DOP1B: variants seen among roughly 807,000 people sequenced by gnomAD.
The protein encoded by DOP1B is DOP1 leucine zipper like protein B.
In DOP1B, 174 loss-of-function variants were observed where a neutral mutation model predicts 233.5. That is an observed-to-expected ratio of 0.75 (90% CI 0.66 to 0.85). The LOEUF (loss-of-function observed/expected upper bound fraction) is 0.85. Ranked by LOEUF, DOP1B falls within the 40% of genes least tolerant of loss-of-function variation. The probability of loss-of-function intolerance (pLI) is 0.00; values close to 1 mark genes in which losing one functional copy is unlikely to be tolerated. For missense variants in DOP1B, 2,652 were observed against 2,846.6 expected (o/e 0.93, Z 1.56); for synonymous variants, 1,190 against 1,185.6 (o/e 1.00, Z -0.08).
chr21:36,248,552 A>G lies in DOP1B; in HGVS notation c.4982A>G (p.Tyr1661Cys). The change falls in exon 21 of 37, where the codon TAC (tyrosine) becomes TGC (cysteine). Residue 1661 changes from tyrosine to cysteine, a missense_variant. By Grantham distance (194) the Tyr-to-Cys change is radical. Transcript: ENST00000691173. The stretch of plus-strand genomic sequence containing the variant: ...GCCACGAAGGGATCCTCTTCCGTTT[A>G]CTTTAAAACCACCAAAGTAAGAGGA... ...LGATKGSSSV[Y>C]FKTTKTIRQK... 3 of 1,607,394 alleles carry G rather than the reference A, an allele frequency of 1.9e-6. No individual in the cohort carries two copies. Among genetic ancestry groups the G allele is most frequent in the Non-Finnish European group, 2.5e-6 (3 of 1,177,558 alleles).
At chr21:36,169,476 GCCAACAA>G in intron 2 of DOP1B, 1 of 1,104,688 alleles carries the variant, frequency 9.1e-7, no homozygotes. Context: ...TTCTTGGTGT[GCCAACAA>G]CTGGTGACCC....
At chr21:36,225,041 A>C (rs2066666312) in intron 11 of DOP1B, among the ~76,000 whole-genome samples, 1 of 152,052 alleles carries the variant, frequency 6.6e-6, no homozygotes, top group Admixed American at 6.6e-5. Context: ...GGTAGAGTTC[A>C]AGTCAGAGGG....
chr21:36,280,136 A>G (rs2067400047), intron 30 of DOP1B, 149 bp from the exon 31 acceptor site: 7 of 514,526 alleles, frequency 1.4e-5, no homozygotes, highest in Admixed American at 4.0e-5. Flanking sequence ...CGGCCTCCCA[A>G]AGTGCTGGGA....
At chr21:36,195,737 C>A (rs376125499) in intron 2 of DOP1B, among the ~76,000 whole-genome samples, 2 of 152,150 alleles carry the variant, frequency 1.3e-5, no homozygotes, top group African/African-American at 4.8e-5. Context: ...CTTGCAATTG[C>A]GTTCATATGA....
At chr21:36,227,904 T>C in intron 13 of DOP1B, 27 bp downstream of exon 13, 1 of 1,534,224 alleles carries the variant, frequency 6.5e-7, no homozygotes, top group Admixed American at 2.0e-5. Context: ...GCAGAAATGG[T>C]TCTGGGGGCT....
At position 36,277,016 on chromosome 21, in the gene DOP1B, C is replaced by A; in HGVS notation, c.5633-5C>A. Reference sequence around the variant, plus strand: ...TAACATACAAATGGCTCTTTCTGTTCACAGATGCTGCTGCAGCTTCAGCAA... The same window carrying A: ...TAACATACAAATGGCTCTTTCTGTTAACAGATGCTGCTGCAGCTTCAGCAA... On this transcript the variant is annotated splice_region_variant and splice_polypyrimidine_tract_variant and intron_variant, in intron 27 of 36. Coordinates refer to ENST00000691173, the MANE Select transcript of DOP1B (RefSeq NM_001320714.2). 6.2e-7 allele frequency: 1 copy of A among 1,613,948 alleles called. No homozygotes were observed. The highest frequency in any genetic ancestry group is 8.5e-7 in the Non-Finnish European group (1 of 1,179,942).
chr21:36,238,529 G>T, intron 16 of DOP1B, 72 bp from the exon 17 acceptor site: 1 of 1,261,488 alleles, frequency 7.9e-7, no homozygotes, highest in South Asian at 1.2e-5. Context: ...GTTTAAATGG[G>T]GTTTATGGTG....
rs749031776 is a variant in DOP1B at position 36,278,033 on chromosome 21, C to T, written c.5771C>T (p.Pro1924Leu). Residue 1924 changes from proline to leucine, a missense_variant, in exon 29 of 37, where the codon CCG (proline) becomes CTG (leucine). By Grantham distance (98) the Pro-to-Leu change is moderately conservative. Around this residue, in one of 3 missense-constraint regions of DOP1B, gnomAD observed 2,617 missense variants for 2,794.3 expected, o/e 0.94. Transcript: ENST00000691173. ...YRSDEKEKAV[P>L]LISRLLYYVF... Reference sequence around the variant, plus strand: ...AGTGATGAGAAGGAGAAAGCTGTGCCGTTAATCTCCCGTCTGCTTTACTAT... The same window carrying T: ...AGTGATGAGAAGGAGAAAGCTGTGCTGTTAATCTCCCGTCTGCTTTACTAT... 15 of 1,614,032 alleles carry T rather than the reference C, an allele frequency of 9.3e-6. No individual in the cohort carries two copies. Among genetic ancestry groups the T allele is most frequent in the East Asian group, 4.5e-5 (2 of 44,904 alleles).
At chr21:36,266,178 A>T (rs1253316509) in intron 26 of DOP1B, among the ~76,000 whole-genome samples, 2 of 151,886 alleles carry the variant, frequency 1.3e-5, no homozygotes, top group Admixed American at 6.6e-5. Context: ...TATTTTATTT[A>T]TTTATTTATT....
Position 36,215,042 on chromosome 21 carries a change from GA to G in DOP1B, c.1129+494del, listed in dbSNP as rs1403040988. Among the ~76,000 whole-genome samples the G allele has an allele frequency of 4.6e-5, 7 of 152,018 alleles. No homozygotes were observed. The East Asian group carries it at 1.2e-3, about 25-fold the overall frequency. ...TGGGCGACAGAGTGAGACCCAGTCT[GA>G]AAAAAAAGTTTTGCACAATAATTTG... On this transcript the variant is annotated intron_variant, in intron 9 of 36. Coordinates refer to ENST00000691173, the MANE Select transcript of DOP1B (RefSeq NM_001320714.2).
intron 32 of DOP1B, among the ~76,000 whole-genome samples, chr21:36,287,799 C>G (rs918800517): frequency 6.6e-6 from 1 of 151,860 alleles, no homozygotes; most frequent in African/African-American, 2.4e-5. Context: ...ATTGGCCAGG[C>G]TGGCCTCGAA....
In DOP1B at chr21:36,177,722, C is replaced by T. The variant is rs563957683; in HGVS notation, c.138+12851C>T. Among the ~76,000 whole-genome samples, 29 of 152,312 alleles carry T rather than the reference C, an allele frequency of 1.9e-4. No homozygotes were observed. In the South Asian group the frequency reaches 4.3e-3, roughly 23 times the overall value. On this transcript the variant is annotated intron_variant, in intron 2 of 36. Transcript: ENST00000691173. Reference sequence around the variant, plus strand: ...AGGCCTGAGCTAGCATTAGCATGCTCGGCCTCCTTGCCATGTGATATCCCA... The same window carrying T: ...AGGCCTGAGCTAGCATTAGCATGCTTGGCCTCCTTGCCATGTGATATCCCA...
At chr21:36,167,934 CTTTTTCTTTTTTT>C (rs1365257130) in intron 2 of DOP1B, among the ~76,000 whole-genome samples, 4 of 75,398 alleles carry the variant, frequency 5.3e-5, no homozygotes, top group Non-Finnish European at 1.1e-4. Context: ...CTTTTCTTTT[CTTTTTCTTTTTTT>C]TTTTTTTTTT....
intron 9 of DOP1B, among the ~76,000 whole-genome samples, chr21:36,217,168 GCA>G (rs2066569597): frequency 2.6e-5 from 4 of 151,962 alleles, no homozygotes; most frequent in Admixed American, 1.3e-4. Context: ...CCATTCAAAA[GCA>G]CAGAGCATCT....
At position 36,200,337 on chromosome 21, in the gene DOP1B, G is replaced by A. The variant is rs761564167; in HGVS notation, c.327G>A (p.Gly109=). 4 of 1,596,530 alleles carry A rather than the reference G, an allele frequency of 2.5e-6. No homozygotes were observed. In the Admixed American group the frequency reaches 5.4e-5, roughly 21 times the overall value. Residue 109 remains glycine (G), a synonymous_variant, in exon 4 of 37, where the codon GGG becomes GGA. Transcript: ENST00000691173. ...LAKDLFLYSC[G]LFPLLAHAAV... ...CTCTCGTTCTTTCTCGAAGCTGCGG[G>A]TTATTTCCTCTCCTGGCACACGCGG...
At position 36,245,104 on chromosome 21, in the gene DOP1B, G is replaced by A; in HGVS notation, c.3124G>A (p.Val1042Met). Residue 1042 changes from valine to methionine, a missense_variant, in exon 19 of 37, where the codon GTG becomes ATG. By Grantham distance (21) the Val-to-Met change is conservative (BLOSUM62 1). Around this residue, in one of 3 missense-constraint regions of DOP1B, gnomAD observed 2,617 missense variants for 2,794.3 expected, o/e 0.94. Transcript: ENST00000691173. The surrounding 1 kb of genome is among the most constrained non-coding windows in gnomAD (Gnocchi z 5.5). ...KKTSFREACA[V>M]PEPQESGSEE... Reference sequence around the variant, plus strand: ...AACCTCTTTCAGAGAGGCATGCGCAGTGCCCGAGCCTCAGGAGAGCGGCTC... The same window carrying A: ...AACCTCTTTCAGAGAGGCATGCGCAATGCCCGAGCCTCAGGAGAGCGGCTC... 1 of 1,612,576 alleles carries A rather than the reference G, an allele frequency of 6.2e-7. No homozygotes were observed. The highest frequency in any genetic ancestry group is 1.7e-5 in the Admixed American group (1 of 59,994).
At chr21:36,234,359 G>T (rs2066802868) in intron 15 of DOP1B, among the ~76,000 whole-genome samples, 1 of 152,042 alleles carries the variant, frequency 6.6e-6, no homozygotes, top group Non-Finnish European at 1.5e-5. Context: ...GAAAAAAGAA[G>T]AAAGAATTGA....
intron 31 of DOP1B, among the ~76,000 whole-genome samples, 196 bp downstream of exon 31, chr21:36,280,542 C>T (rs7281457): frequency 0.17 from 25,921 of 152,094 alleles, 2,796 homozygotes; most frequent in East Asian, 0.35. Flanking sequence ...TTGACAAGAA[C>T]GCCACGACAA....
At chr21:36,284,828 T>C (rs2067464425) in intron 32 of DOP1B, among the ~76,000 whole-genome samples, 1 of 150,730 alleles carries the variant, frequency 6.6e-6, no homozygotes, top group African/African-American at 2.4e-5. Context: ...TTACATAATA[T>C]ATTAATATGT....
Sources: allele counts gnomAD v4.1 joint callset (sites outside exome capture counted in the v4.1 genomes callset), GRCh38; gene constraint gnomAD v4.1.1; regional missense constraint gnomAD v4.1.1; non-coding constraint Gnocchi (gnomAD v3.1); transcripts MANE v1.5; gene names NCBI Gene and HGNC (gene_info 2026-07-23, HGNC 2026-07-21).